ROBO2: variants seen among roughly 807,000 people sequenced by gnomAD.
ROBO2 encodes the protein roundabout guidance receptor 2, also known as roundabout homolog 2.
In ROBO2, 53 loss-of-function variants were observed where a neutral mutation model predicts 160.8. The ratio of observed to expected loss-of-function variants is 0.33; its 90% CI spans 0.26 to 0.41. The LOEUF is 0.41. ROBO2 is among the 10% of genes least tolerant of loss of function. The pLI, the probability that ROBO2 is intolerant of heterozygous loss-of-function variation, is 1.00. For synonymous variants in ROBO2, 664 were observed against 611.7 expected (o/e 1.09, Z -1.26); for missense variants, 1,577 against 1,722.4 (o/e 0.92, Z 1.49).
At chr3:76,905,868 TAA>T (rs1214971518) in intron 2 of ROBO2, among the ~76,000 whole-genome samples, 3 of 152,210 alleles carry the variant, frequency 2.0e-5, no homozygotes, top group Non-Finnish European at 4.4e-5. Flanking sequence ...ATCAGTACAG[TAA>T]AATCTGTTAC....
chr3:76,520,735 A>G (rs1172310540), intron 2 of ROBO2, among the ~76,000 whole-genome samples: 1 of 152,224 alleles, frequency 6.6e-6, no homozygotes, highest in Non-Finnish European at 1.5e-5. Context: ...TAATGTCAAG[A>G]AACCTCTACA....
chr3:77,644,044 A>G (rs539781209), intron 24 of ROBO2, among the ~76,000 whole-genome samples: 3 of 152,242 alleles, frequency 2.0e-5, no homozygotes, highest in African/African-American at 7.2e-5. Context: ...TAGAGAGGGA[A>G]AGAAAAAACA....
intron 2 of ROBO2, among the ~76,000 whole-genome samples, chr3:76,372,059 A>G (rs1023662689): frequency 6.6e-6 from 1 of 151,850 alleles, no homozygotes; most frequent in African/African-American, 2.4e-5. Context: ...TTCTGTTACT[A>G]TTAGGTTTAC....
At chr3:76,914,074 A>G (rs960564775) in intron 2 of ROBO2, among the ~76,000 whole-genome samples, 1 of 152,220 alleles carries the variant, frequency 6.6e-6, no homozygotes, top group Non-Finnish European at 1.5e-5. Flanking sequence ...CAGTTGGGTT[A>G]GCAATGCACT....
intron 1 of ROBO2, among the ~76,000 whole-genome samples, chr3:77,054,161 A>G (rs12634541): frequency 9.2e-5 from 14 of 152,206 alleles, no homozygotes; most frequent in African/African-American, 3.4e-4. Context: ...GGAAAGTTCA[A>G]GTAGTTCCTT....
chr3:77,487,975 G>A (rs2085582656), intron 4 of ROBO2, among the ~76,000 whole-genome samples: 1 of 152,058 alleles, frequency 6.6e-6, no homozygotes. Flanking sequence ...ATTTTTTCAT[G>A]TAACTAAGTA....
At chr3:76,259,129 G>T (rs1191834114) in intron 2 of ROBO2, among the ~76,000 whole-genome samples, 1 of 152,004 alleles carries the variant, frequency 6.6e-6, no homozygotes, top group Non-Finnish European at 1.5e-5. Flanking sequence ...TTTTTAGGCT[G>T]CTGGTGTTTT....
At chr3:76,002,981 A>C (rs2065929245) in intron 2 of ROBO2, among the ~76,000 whole-genome samples, 1 of 152,158 alleles carries the variant, frequency 6.6e-6, no homozygotes, top group East Asian at 1.9e-4. Flanking sequence ...AAGAGCCAGG[A>C]GAAACCAGAA....
At chr3:77,426,620 G>C (rs902693510) in intron 2 of ROBO2, among the ~76,000 whole-genome samples, 16 of 151,268 alleles carry the variant, frequency 1.1e-4, no homozygotes, top group Admixed American at 7.2e-4. Context: ...GTGTGTGTGT[G>C]TGTGTGTGTG....
chr3:77,430,677 A>G (rs1368573190), intron 2 of ROBO2, among the ~76,000 whole-genome samples: 2 of 152,084 alleles, frequency 1.3e-5, no homozygotes, highest in Non-Finnish European at 2.9e-5. Flanking sequence ...GCACCATCTC[A>G]GGGGAACCAT....
chr3:76,968,687 C>A (rs1485009774), intron 2 of ROBO2, among the ~76,000 whole-genome samples: 1 of 151,994 alleles, frequency 6.6e-6, no homozygotes, highest in Non-Finnish European at 1.5e-5. Context: ...AAATTTGAGG[C>A]TTGTAGGCTA....
chr3:77,365,419 A>G (rs1303192865), intron 2 of ROBO2, among the ~76,000 whole-genome samples: 1 of 152,078 alleles, frequency 6.6e-6, no homozygotes, highest in Non-Finnish European at 1.5e-5. Flanking sequence ...AATTTAGATA[A>G]GAATTTTTTT....
At chr3:77,630,721 T>C (rs1042223696) in intron 23 of ROBO2, 12 of 151,872 alleles carry the variant, frequency 7.9e-5, no homozygotes, top group Admixed American at 2.6e-4. Flanking sequence ...ATGAGGAAGA[T>C]AGAAGAGACT....
intron 2 of ROBO2, among the ~76,000 whole-genome samples, chr3:76,837,266 A>T (rs898384257): frequency 3.3e-5 from 5 of 151,936 alleles, no homozygotes; most frequent in Non-Finnish European, 7.4e-5. Flanking sequence ...AGCTTTATAA[A>T]ATATTTGAAG....
chr3:75,945,227 C>T (rs575570317), intron 2 of ROBO2, among the ~76,000 whole-genome samples: 4 of 152,074 alleles, frequency 2.6e-5, no homozygotes, highest in African/African-American at 4.8e-5. Context: ...TGCAAAGTAT[C>T]GTAAGTTAGA....
chr3:76,080,257 G>T (rs2068779165), intron 2 of ROBO2, among the ~76,000 whole-genome samples: 1 of 152,146 alleles, frequency 6.6e-6, no homozygotes, highest in Admixed American at 6.5e-5. Context: ...AGAAAAATCG[G>T]TTCTATTTTT....
At chr3:77,453,363 C>A (rs1314914801) in intron 2 of ROBO2, among the ~76,000 whole-genome samples, 1 of 148,138 alleles carries the variant, frequency 6.8e-6, no homozygotes, top group African/African-American at 2.5e-5. Context: ...CTATTAGTCA[C>A]AATTTTAAAG....
chr3:75,971,963 G>A (rs181981497), intron 2 of ROBO2, among the ~76,000 whole-genome samples: 3 of 151,566 alleles, frequency 2.0e-5, no homozygotes, highest in Admixed American at 1.3e-4. Context: ...GTTATGTTGT[G>A]AAATCGAAGC....
chr3:76,884,944 T>C (rs1204833589), intron 2 of ROBO2, among the ~76,000 whole-genome samples: 2 of 151,990 alleles, frequency 1.3e-5, no homozygotes, highest in African/African-American at 4.8e-5. Context: ...AGAGGAGAGA[T>C]GGTTAATCTT....
Sources: gnomAD v4.1 joint callset for allele counts (sites outside exome capture counted in the v4.1 genomes callset) on GRCh38, gnomAD v4.1.1 for gene constraint, MANE v1.5 for transcripts, NCBI Gene and HGNC (gene_info 2026-07-23, HGNC 2026-07-21) for gene names.